The following ATP2B1 variants were observed in gnomAD, a reference collection of about 807,000 sequenced individuals.
The protein encoded by ATP2B1 is ATPase plasma membrane Ca2+ transporting 1.
In ATP2B1, 14 loss-of-function variants were observed where a neutral mutation model predicts 124.2. That is an observed-to-expected ratio of 0.11 (90% confidence interval 0.07 to 0.18). ATP2B1 has a LOEUF of 0.18. Among genes scored for constraint, ATP2B1 ranks in the 10% least tolerant of loss-of-function variants. The pLI, the probability that ATP2B1 is intolerant of heterozygous loss-of-function variation, is 1.00. For synonymous variants in ATP2B1, 449 were observed against 492.4 expected (o/e 0.91, Z 1.17); for missense variants, 763 against 1,466.1 (o/e 0.52, Z 7.83).
intron 12 of ATP2B1, among the ~76,000 whole-genome samples, chr12:89,614,911 A>G (rs1023691025): frequency 6.6e-6 from 1 of 152,062 alleles, no homozygotes; most frequent in African/African-American, 2.4e-5. Flanking sequence ...CAATAATCTC[A>G]TTAGCTTCCC....
At chr12:89,623,951 C>T (rs1025029507) in intron 9 of ATP2B1, among the ~76,000 whole-genome samples, 2 of 152,156 alleles carry the variant, frequency 1.3e-5, no homozygotes, top group East Asian at 1.9e-4. Flanking sequence ...CCAGCAGAGT[C>T]GTGCTTAGTA....
intron 20 of ATP2B1, among the ~76,000 whole-genome samples, chr12:89,595,963 C>T (rs1367766988): frequency 6.6e-6 from 1 of 152,040 alleles, no homozygotes; most frequent in East Asian, 1.9e-4. Context: ...GCCACATGGG[C>T]CCAGAAACTC....
At chr12:89,633,318 ATATTTT>A (rs1381212946) in intron 5 of ATP2B1, among the ~76,000 whole-genome samples, 3 of 151,764 alleles carry the variant, frequency 2.0e-5, no homozygotes. Flanking sequence ...TATTATTATT[ATATTTT>A]AAGTTTTAGG....
At chr12:89,677,954 TTATATATATA>T (rs61256358) in intron 1 of ATP2B1, among the ~76,000 whole-genome samples, 2 of 68,762 alleles carry the variant, frequency 2.9e-5, no homozygotes, top group African/African-American at 6.4e-5. Flanking sequence ...CATGCAGGAA[TTATATATATA>T]TATATATACA....
At chr12:89,696,479 G>A (rs1371922364) in intron 1 of ATP2B1, among the ~76,000 whole-genome samples, 1 of 143,976 alleles carries the variant, frequency 6.9e-6, no homozygotes, top group Non-Finnish European at 1.5e-5. Context: ...TGTTGTTAAT[G>A]AAAAAATTTA....
intron 1 of ATP2B1, among the ~76,000 whole-genome samples, chr12:89,662,186 T>C (rs1207691048): frequency 6.6e-6 from 1 of 151,884 alleles, no homozygotes; most frequent in African/African-American, 2.4e-5. Context: ...TTACTCAGTC[T>C]TCCAAAAAGA....
At chr12:89,624,597 A>C (rs540474242) in intron 8 of ATP2B1, among the ~76,000 whole-genome samples, 200 bp from the exon 9 acceptor site, 6 of 152,230 alleles carry the variant, frequency 3.9e-5, no homozygotes, top group African/African-American at 1.4e-4. Context: ...TCTTGTCCCC[A>C]GGAGAACTGG....
intron 20 of ATP2B1, chr12:89,598,629 C>T (rs796193186): frequency 6.2e-7 from 1 of 1,613,966 alleles, no homozygotes; most frequent in Non-Finnish European, 8.5e-7. Flanking sequence ...GAAAACACTA[C>T]ATGTGTAGGG....
chr12:89,632,588 A>G (rs1312376778), intron 5 of ATP2B1, among the ~76,000 whole-genome samples: 1 of 152,232 alleles, frequency 6.6e-6, no homozygotes, highest in African/African-American at 2.4e-5. Context: ...GCTCAGGCAA[A>G]GTAAACAGTT....
At chr12:89,705,150 C>A (rs1892305473) in intron 1 of ATP2B1, among the ~76,000 whole-genome samples, 1 of 152,004 alleles carries the variant, frequency 6.6e-6, no homozygotes, top group Non-Finnish European at 1.5e-5. Flanking sequence ...GTATAGATAA[C>A]ATTTCTAAAA....
intron 1 of ATP2B1, among the ~76,000 whole-genome samples, chr12:89,663,849 C>T (rs2136445027): frequency 6.7e-6 from 1 of 150,358 alleles, no homozygotes; most frequent in Non-Finnish European, 1.5e-5. Flanking sequence ...ATTCTCACTA[C>T]ACTGTCATCT....
At chr12:89,699,752 A>G (rs1203394259) in intron 1 of ATP2B1, among the ~76,000 whole-genome samples, 2 of 152,224 alleles carry the variant, frequency 1.3e-5, no homozygotes, top group African/African-American at 4.8e-5. Flanking sequence ...ATTTCTAGCA[A>G]AAGAAATGCT....
intron 14 of ATP2B1, 134 bp downstream of exon 14, chr12:89,610,287 G>A (rs1045730640): frequency 1.1e-5 from 9 of 846,894 alleles, no homozygotes; most frequent in Non-Finnish European, 1.5e-5. Flanking sequence ...AGGTATCAAA[G>A]GAAATGTATT....
chr12:89,664,178 GCTC>G (rs1189181218), intron 1 of ATP2B1, among the ~76,000 whole-genome samples: 1 of 152,122 alleles, frequency 6.6e-6, no homozygotes, highest in Non-Finnish European at 1.5e-5. Context: ...CCCAAGCACA[GCTC>G]CTGTTTCCCA....
chr12:89,708,178 G>T (rs1016872097), intron 1 of ATP2B1, among the ~76,000 whole-genome samples: 4 of 152,160 alleles, frequency 2.6e-5, no homozygotes, highest in Non-Finnish European at 5.9e-5. Flanking sequence ...GGGGCGCGGG[G>T]AGAGGGAGTG....
intron 8 of ATP2B1, 48 bp from the exon 9 acceptor site, chr12:89,624,445 C>T: frequency 6.8e-7 from 1 of 1,462,238 alleles, no homozygotes; most frequent in Non-Finnish European, 9.4e-7. Context: ...AATTTCCAGA[C>T]ACTAACCCTT....
intron 1 of ATP2B1, among the ~76,000 whole-genome samples, chr12:89,678,491 C>T (rs1888946434): frequency 6.6e-6 from 1 of 152,130 alleles, no homozygotes; most frequent in Non-Finnish European, 1.5e-5. Flanking sequence ...AGTTTTATGA[C>T]TATTTACTAC....
chr12:89,680,123 A>G (rs1360868246), intron 1 of ATP2B1, among the ~76,000 whole-genome samples: 2 of 152,198 alleles, frequency 1.3e-5, no homozygotes, highest in African/African-American at 4.8e-5. Flanking sequence ...AAAGAAAATA[A>G]AAATCAAGCC....
intron 15 of ATP2B1, among the ~76,000 whole-genome samples, chr12:89,609,703 C>T (rs1238378157): frequency 2.0e-5 from 3 of 152,210 alleles, no homozygotes; most frequent in South Asian, 2.1e-4. Context: ...AGCCAACATA[C>T]AATATTATTA....
Sources: allele counts gnomAD v4.1 joint callset (sites outside exome capture counted in the v4.1 genomes callset), GRCh38; gene constraint gnomAD v4.1.1; transcripts MANE v1.5; gene names NCBI Gene and HGNC (gene_info 2026-07-23, HGNC 2026-07-21).